NRG1: variants seen among roughly 807,000 people sequenced by gnomAD.
NRG1 encodes the protein pro-neuregulin-1, membrane-bound isoform.
In NRG1, 18 loss-of-function variants were observed where a neutral mutation model predicts 63.8. That is an observed-to-expected ratio of 0.28 (90% confidence interval 0.19 to 0.42). NRG1 has a LOEUF of 0.42. NRG1 is among the 10% of genes least tolerant of loss of function. The pLI is 1.00. For synonymous variants in NRG1, 302 were observed against 301.3 expected, an observed-to-expected ratio of 1.00 and a Z score of -0.02; for missense variants, 762 against 814.7, an observed-to-expected ratio of 0.94 and a Z score of 0.79.
chr8:32,354,793 CT>C (rs10569341), intron 1 of NRG1, among the ~76,000 whole-genome samples: 27,232 of 141,432 alleles, frequency 0.19, 2,749 homozygotes, highest in Non-Finnish European at 0.23. Context: ...AATGAAGCTG[CT>C]TTTTTTAAAA....
At chr8:31,798,473 T>C (rs1821447159) in intron 1 of NRG1, among the ~76,000 whole-genome samples, 2 of 152,348 alleles carry the variant, frequency 1.3e-5, no homozygotes, top group East Asian at 1.9e-4. Context: ...TCATGACTAA[T>C]ATCTTTGCCT....
At chr8:32,490,215 G>A (rs1412072778) in intron 1 of NRG1, among the ~76,000 whole-genome samples, 1 of 152,022 alleles carries the variant, frequency 6.6e-6, no homozygotes, top group Non-Finnish European at 1.5e-5. Context: ...TGAGGTAGGA[G>A]GATTGCTTGA....
At chr8:32,224,967 A>G (rs1189376977) in intron 1 of NRG1, among the ~76,000 whole-genome samples, 1 of 152,174 alleles carries the variant, frequency 6.6e-6, no homozygotes, top group African/African-American at 2.4e-5. Flanking sequence ...AGTCATGATA[A>G]AGATGAAACA....
intron 1 of NRG1, among the ~76,000 whole-genome samples, chr8:31,923,835 A>G (rs1267557277): frequency 6.6e-6 from 1 of 152,034 alleles, no homozygotes; most frequent in African/African-American, 2.4e-5. Context: ...TGTACCCACC[A>G]AGCAACCTTC....
intron 1 of NRG1, among the ~76,000 whole-genome samples, chr8:31,979,983 C>A (rs1808816348): frequency 1.3e-5 from 2 of 151,988 alleles, no homozygotes; most frequent in Non-Finnish European, 2.9e-5. Flanking sequence ...ATTTTCTATG[C>A]ACTTTACAAA....
intron 1 of NRG1, among the ~76,000 whole-genome samples, chr8:31,757,784 T>G (rs1009884672): frequency 6.6e-6 from 1 of 152,104 alleles, no homozygotes; most frequent in Admixed American, 6.6e-5. Flanking sequence ...TAATAAAATA[T>G]GAGAGTTAAA....
chr8:32,414,953 C>T (rs149773902), intron 1 of NRG1, among the ~76,000 whole-genome samples: 1 of 152,224 alleles, frequency 6.6e-6, no homozygotes, highest in African/African-American at 2.4e-5. Context: ...ACAGCGATCT[C>T]ATCCATGTCC....
chr8:32,459,780 G>A (rs890065009), intron 1 of NRG1, among the ~76,000 whole-genome samples: 1 of 152,166 alleles, frequency 6.6e-6, no homozygotes, highest in Non-Finnish European at 1.5e-5. Context: ...TCACTGGACT[G>A]CAGTTATTGC....
chr8:32,059,186 A>G (rs1017310772), intron 1 of NRG1, among the ~76,000 whole-genome samples: 2 of 151,800 alleles, frequency 1.3e-5, no homozygotes, highest in African/African-American at 4.8e-5. Context: ...ATTAAGCTGC[A>G]TTTCTTTTAT....
chr8:32,581,665 CTTA>C (rs1840664972), intron 1 of NRG1, among the ~76,000 whole-genome samples: 1 of 152,130 alleles, frequency 6.6e-6, no homozygotes, highest in Admixed American at 6.5e-5. Context: ...GGATACTTAA[CTTA>C]TTATTCAAAA....
At chr8:31,866,488 T>C (rs567342854) in intron 1 of NRG1, among the ~76,000 whole-genome samples, 4 of 152,280 alleles carry the variant, frequency 2.6e-5, no homozygotes, top group Admixed American at 2.0e-4. Flanking sequence ...TTGACTTTCA[T>C]TGCTACATTT....
intron 5 of NRG1, among the ~76,000 whole-genome samples, chr8:32,656,514 T>G (rs1463287463): frequency 6.6e-6 from 1 of 152,126 alleles, no homozygotes; most frequent in African/African-American, 2.4e-5. Flanking sequence ...ACCTTATGGT[T>G]TTTCTAACAG....
chr8:32,318,363 A>G (rs1175388543), intron 1 of NRG1, among the ~76,000 whole-genome samples: 2 of 152,206 alleles, frequency 1.3e-5, no homozygotes, highest in Non-Finnish European at 2.9e-5. Context: ...TTTGAAATAT[A>G]TTTTGATAGG....
At chr8:32,708,953 T>C (rs974544343) in intron 5 of NRG1, among the ~76,000 whole-genome samples, 5 of 152,236 alleles carry the variant, frequency 3.3e-5, no homozygotes, top group African/African-American at 9.6e-5. Flanking sequence ...GGGTGACACT[T>C]GACATCTGTA....
intron 5 of NRG1, among the ~76,000 whole-genome samples, chr8:32,726,379 T>C (rs1822196714): frequency 6.6e-6 from 1 of 152,074 alleles, no homozygotes; most frequent in Admixed American, 6.6e-5. Context: ...CAGAATTCTG[T>C]AAGAGTGCCA....
At chr8:31,741,667 T>C (rs986489140) in intron 1 of NRG1, among the ~76,000 whole-genome samples, 1 of 152,020 alleles carries the variant, frequency 6.6e-6, no homozygotes, top group Non-Finnish European at 1.5e-5. Flanking sequence ...CATACTGAGA[T>C]GATCATTTAT....
chr8:32,537,808 T>C (rs1832166301), intron 1 of NRG1, among the ~76,000 whole-genome samples: 1 of 152,116 alleles, frequency 6.6e-6, no homozygotes, highest in Middle Eastern at 3.2e-3. Context: ...CACCAGTGCT[T>C]TTTCAAGGAC....
chr8:32,705,420 C>T (rs567786850), intron 5 of NRG1, among the ~76,000 whole-genome samples: 38 of 152,260 alleles, frequency 2.5e-4, no homozygotes, highest in African/African-American at 7.0e-4. Flanking sequence ...CGTGAGCCAC[C>T]GCGCCCGGCC....
intron 1 of NRG1, among the ~76,000 whole-genome samples, chr8:32,579,368 G>T (rs1458110830): frequency 6.6e-6 from 1 of 152,112 alleles, no homozygotes; most frequent in Non-Finnish European, 1.5e-5. Flanking sequence ...TAACAGCACT[G>T]GGAGGTGATC....
Sources: allele counts gnomAD v4.1 joint callset (sites outside exome capture counted in the v4.1 genomes callset), GRCh38; gene constraint gnomAD v4.1.1; transcripts MANE v1.5; gene names NCBI Gene and HGNC (gene_info 2026-07-23, HGNC 2026-07-21).